Variants in ZSWIM6 observed in about 807,000 individuals in gnomAD.
The protein encoded by ZSWIM6 is zinc finger SWIM domain-containing protein 6.
ZSWIM6 carries 9 observed loss-of-function variants against 113.2 expected under a neutral mutation model. The observed-to-expected ratio is 0.08, with a 90% CI of 0.05 to 0.14. The LOEUF is 0.14. Ranked by LOEUF, ZSWIM6 falls within the 10% of genes least tolerant of loss-of-function variation. The pLI is 1.00. For missense variants in ZSWIM6, 1,162 were observed against 1,552.2 expected (o/e 0.75, Z 4.22); for synonymous variants, 611 against 606.5 (o/e 1.01, Z -0.11).
rs569277206 is a variant in ZSWIM6 at position 61,344,835 on chromosome 5, TCAAA to T, written c.676+11892_676+11895del. On this transcript the variant is annotated intron_variant, in intron 1 of 13. Transcript: ENST00000252744. ...ATGTCAAAAACTTAACTTTCAGATATCAAACAAAACTAAATTTCAGACATATTCT... is the reference window on the plus strand; with the variant it reads ...ATGTCAAAAACTTAACTTTCAGATATCAAAACTAAATTTCAGACATATTCT... 7.2e-4 allele frequency among the ~76,000 whole-genome samples: 110 copies of T among 152,352 alleles called. 1 individual carries two copies. In the Middle Eastern group the frequency reaches 0.037, roughly 52 times the overall value.
intron 4 of ZSWIM6, among the ~76,000 whole-genome samples, chr5:61,514,434 G>A (rs1748878524): frequency 6.6e-6 from 1 of 151,960 alleles, no homozygotes; most frequent in African/African-American, 2.4e-5. Flanking sequence ...GGTAAGAGCA[G>A]ACATCTTTGC....
chr5:61,536,711 G>A (rs979473229), intron 10 of ZSWIM6, among the ~76,000 whole-genome samples: 4 of 152,198 alleles, frequency 2.6e-5, no homozygotes, highest in Admixed American at 6.5e-5. Context: ...TGATAAGGAT[G>A]TGTGTATGTG....
At chr5:61,456,893 T>C (rs1747215366) in intron 1 of ZSWIM6, among the ~76,000 whole-genome samples, 1 of 129,416 alleles carries the variant, frequency 7.7e-6, no homozygotes, top group South Asian at 2.6e-4. Flanking sequence ...CCAATTTCTT[T>C]TTTTTTTTTC....
chr5:61,457,759 G>A (rs1045987584), intron 1 of ZSWIM6, among the ~76,000 whole-genome samples: 2 of 152,108 alleles, frequency 1.3e-5, no homozygotes, highest in Non-Finnish European at 2.9e-5. Context: ...CTGACCTCAG[G>A]TGATCCACAA....
chr5:61,482,908 T>C (rs1244428506), intron 2 of ZSWIM6, among the ~76,000 whole-genome samples: 1 of 57,480 alleles, frequency 1.7e-5, no homozygotes, highest in Non-Finnish European at 3.9e-5. Flanking sequence ...TTTGGGCCAT[T>C]TTTTTTTTTC....
Position 61,472,735 on chromosome 5 carries a change from C to T in ZSWIM6, c.731C>T (p.Thr244Ile), listed in dbSNP as rs951091051. 8.4e-6 allele frequency: 13 copies of T among 1,550,226 alleles called. No homozygotes were observed. The African/African-American group carries it at 1.6e-4, about 20-fold the overall frequency. ...CCTGCAATACAATCGGAGCCAGAAA[C>T]TGTTTGCAACGTGGCCATCAGCTTT... ...TEPAIQSEPE[T>I]VCNVAISFDR... The change falls in exon 2 of 14, where the codon ACT becomes ATT. Residue 244 changes from threonine (T) to isoleucine (I), a missense_variant. Physicochemically the swap from Thr to Ile is moderately conservative, Grantham distance 89. This residue lies in a region of ZSWIM6 where 96 missense variants were observed against 240.3 expected (regional missense o/e 0.40). Transcript: ENST00000252744. The surrounding 1 kb of genome is among the most constrained non-coding windows in gnomAD (Gnocchi z 4.1).
chr5:61,359,388 C>T (rs1230742400), intron 1 of ZSWIM6, among the ~76,000 whole-genome samples: 1 of 152,062 alleles, frequency 6.6e-6, no homozygotes, highest in Non-Finnish European at 1.5e-5. Flanking sequence ...CGGTGAATGA[C>T]GTGATCTGAC....
In ZSWIM6 at chr5:61,509,115, A is replaced by G. The variant is rs554542926; in HGVS notation, c.1334-12148A>G. Among the ~76,000 whole-genome samples, 8 of 152,304 alleles carry G rather than the reference A, an allele frequency of 5.3e-5. No individual in the cohort carries two copies. In the South Asian group the frequency reaches 1.2e-3, roughly 24 times the overall value. On this transcript the variant is annotated intron_variant, in intron 4 of 13. Transcript: ENST00000252744. ...TGAAGTTCTGTTATTTCACTTAATCATATCCCTTGAATTGGACTAAGTTGG... is the reference window on the plus strand; with the variant it reads ...TGAAGTTCTGTTATTTCACTTAATCGTATCCCTTGAATTGGACTAAGTTGG...
chr5:61,514,137 A>G (rs373571722), intron 4 of ZSWIM6, among the ~76,000 whole-genome samples: 1 of 152,120 alleles, frequency 6.6e-6, no homozygotes, highest in East Asian at 1.9e-4. Context: ...TTTAACATAG[A>G]GACTGCACAT....
intron 5 of ZSWIM6, among the ~76,000 whole-genome samples, chr5:61,522,786 A>T (rs1306208855): frequency 1.3e-5 from 2 of 152,332 alleles, no homozygotes; most frequent in East Asian, 1.9e-4. Context: ...TTCCGTTGCT[A>T]GGAAAGGGTA....
chr5:61,343,763 T>C (rs1744595930), intron 1 of ZSWIM6, among the ~76,000 whole-genome samples: 1 of 152,128 alleles, frequency 6.6e-6, no homozygotes, highest in Non-Finnish European at 1.5e-5. Flanking sequence ...AACCCAAATA[T>C]CATGTTTGTA....
At chr5:61,418,798 C>T (rs1336103360) in intron 1 of ZSWIM6, among the ~76,000 whole-genome samples, 3 of 152,134 alleles carry the variant, frequency 2.0e-5, no homozygotes, top group African/African-American at 7.2e-5. Flanking sequence ...CCTTGCTTTT[C>T]ACATCCCTCA....
chr5:61,449,782 C>T (rs1222286096), intron 1 of ZSWIM6, among the ~76,000 whole-genome samples: 2 of 151,054 alleles, frequency 1.3e-5, no homozygotes, highest in Non-Finnish European at 3.0e-5. Flanking sequence ...TTCCCCTCTC[C>T]TTGTAAGGGT....
At chr5:61,465,293 T>C (rs748362584) in intron 1 of ZSWIM6, among the ~76,000 whole-genome samples, 1 of 152,210 alleles carries the variant, frequency 6.6e-6, no homozygotes, top group African/African-American at 2.4e-5. Flanking sequence ...TAGACAATGA[T>C]TGTTTCCCTT....
chr5:61,375,845 A>T, intron 1 of ZSWIM6: 1 of 967,814 alleles, frequency 1.0e-6, no homozygotes, highest in Non-Finnish European at 1.6e-6. Flanking sequence ...TCAAGTCCTG[A>T]CTCACCGTAA....
At chr5:61,516,849 C>G (rs1381467289) in intron 4 of ZSWIM6, among the ~76,000 whole-genome samples, 1 of 151,924 alleles carries the variant, frequency 6.6e-6, no homozygotes, top group Non-Finnish European at 1.5e-5. Flanking sequence ...GTCTTGGCAA[C>G]GAATACTGTA....
chr5:61,374,545 T>TA lies in ZSWIM6; in HGVS notation c.676+41598dup, dbSNP rs574495326. 1.4e-4 allele frequency among the ~76,000 whole-genome samples: 22 copies of TA among 152,244 alleles called. No individual in the cohort carries two copies. In the South Asian group the frequency reaches 2.1e-3, roughly 14 times the overall value. ...TGGTGGAGCAAAATTGCCAGCTTTT[T>TA]ATTTTATTTTATTTATTTTATTTTT... On this transcript the variant is annotated intron_variant, in intron 1 of 13. Coordinates refer to ENST00000252744, the MANE Select transcript of ZSWIM6 (RefSeq NM_020928.2).
chr5:61,416,313 C>T (rs1255583148), intron 1 of ZSWIM6, among the ~76,000 whole-genome samples: 1 of 152,166 alleles, frequency 6.6e-6, no homozygotes, highest in Non-Finnish European at 1.5e-5. Flanking sequence ...TCTTTTACAG[C>T]TTCATCTCCC....
At chr5:61,392,317 A>C (rs772482096) in intron 1 of ZSWIM6, among the ~76,000 whole-genome samples, 1 of 152,214 alleles carries the variant, frequency 6.6e-6, no homozygotes, top group Non-Finnish European at 1.5e-5. Flanking sequence ...TGTATCTTTT[A>C]TCCTGTAAAG....
Sources: gnomAD v4.1 joint callset for allele counts (sites outside exome capture counted in the v4.1 genomes callset) on GRCh38, gnomAD v4.1.1 for gene constraint, gnomAD v4.1.1 regional missense constraint, Gnocchi (gnomAD v3.1) non-coding constraint, MANE v1.5 for transcripts, NCBI Gene and HGNC (gene_info 2026-07-23, HGNC 2026-07-21) for gene names.